The following CHRNB2 variants were observed in gnomAD, a reference collection of about 807,000 sequenced individuals.
CHRNB2 encodes cholinergic receptor nicotinic beta 2 subunit.
CHRNB2 carries 33 observed loss-of-function variants against 42.7 expected under a neutral mutation model. The ratio of observed to expected loss-of-function variants is 0.77; its 90% CI spans 0.59 to 1.03. The LOEUF (loss-of-function observed/expected upper bound fraction) is 1.03, where lower values mean the gene tolerates loss of function less well. CHRNB2 is among the 50% of genes least tolerant of loss of function. The pLI is 0.00. For synonymous variants in CHRNB2, 325 were observed against 292.9 expected (o/e 1.11, Z -1.12); for missense variants, 603 against 700.9 (o/e 0.86, Z 1.58).
intron 1 of CHRNB2, among the ~76,000 whole-genome samples, chr1:154,568,402 C>T (rs536602609): frequency 6.6e-6 from 1 of 152,258 alleles, no homozygotes; most frequent in African/African-American, 2.4e-5. Context: ...GGGGATCTCC[C>T]CAGGCGTCCT....
At position 154,572,035 on chromosome 1, in the gene CHRNB2, G is replaced by A. The variant is rs1696180713; in HGVS notation, c.1212G>A (p.Gly404=). The A allele has an allele frequency of 2.6e-6, 4 of 1,534,280 alleles. No homozygotes were observed. Among genetic ancestry groups the A allele is most frequent in the Non-Finnish European group, 3.5e-6 (4 of 1,145,292 alleles). The part of the protein sequence containing the change: ...ASVQGLAGAF[G]AEPAPVAGPG... ...TGCAGGGGTTGGCCGGGGCCTTCGG[G>A]GCTGAGCCTGCACCAGTGGCGGGCC... The change falls in exon 5 of 6, where the codon GGG becomes GGA. Residue 404 remains glycine, a synonymous_variant. Transcript: ENST00000368476.
chr1:154,569,654 C>G, intron 2 of CHRNB2, 47 bp downstream of exon 2: 1 of 1,613,734 alleles, frequency 6.2e-7, no homozygotes, highest in African/African-American at 1.3e-5. Context: ...AAATCAGCCC[C>G]GCCAAAATGT....
intron 1 of CHRNB2, among the ~76,000 whole-genome samples, chr1:154,568,746 AG>A (rs1696107911): frequency 1.3e-5 from 2 of 151,984 alleles, no homozygotes; most frequent in Non-Finnish European, 2.9e-5. Flanking sequence ...GGGGAGGGGC[AG>A]GTACAAAGGG....
intron 2 of CHRNB2, 45 bp from the exon 3 acceptor site, chr1:154,569,747 C>T: frequency 6.2e-7 from 1 of 1,613,984 alleles, no homozygotes; most frequent in Non-Finnish European, 8.5e-7. Context: ...GCAGTGACCC[C>T]ACAGGCTTAG....
chr1:154,572,135 A>G lies in CHRNB2; in HGVS notation c.1312A>G (p.Met438Val), dbSNP rs916448473. Residue 438 changes from methionine to valine, a missense_variant, in exon 5 of 6, where the codon ATG becomes GTG. Physicochemically the swap from Met to Val is conservative, Grantham distance 21. Around this residue, in one of 2 missense-constraint regions of CHRNB2, gnomAD observed 270 missense variants for 248.3 expected, o/e 1.09. Coordinates refer to ENST00000368476, the MANE Select transcript of CHRNB2 (RefSeq NM_000748.3). ...CGGCGTGCGCTTCATCGCAGACCAC[A>G]TGCGGAGCGAGGACGATGACCAGAG... ...VDGVRFIADH[M>V]RSEDDDQSVS... The G allele has an allele frequency of 5.2e-6, 8 of 1,537,908 alleles. No individual in the cohort carries two copies. Among genetic ancestry groups the G allele is most frequent in the African/African-American group, 1.4e-5 (1 of 73,002 alleles).
chr1:154,569,887 C>T (rs759739237), intron 3 of CHRNB2, 51 bp downstream of exon 3: 1 of 1,603,032 alleles, frequency 6.2e-7, no homozygotes, highest in African/African-American at 1.3e-5. Context: ...CTCTCTCCTC[C>T]TTTTTCCCCA....
At chr1:154,570,699 T>G (rs745815760) in intron 4 of CHRNB2, among the ~76,000 whole-genome samples, 37 of 152,170 alleles carry the variant, frequency 2.4e-4, no homozygotes, top group South Asian at 1.7e-3. Flanking sequence ...TCAAAGAACT[T>G]TAAGGTCCCA....
Position 154,571,876 on chromosome 1 carries a change from G to A in CHRNB2, c.1053G>A (p.Gln351=). The A allele has an allele frequency of 6.3e-7, 1 of 1,598,652 alleles. No homozygotes were observed. The highest frequency in any genetic ancestry group is 1.1e-5 in the South Asian group (1 of 89,798). The change falls in exon 5 of 6, where the codon CAG becomes CAA. Residue 351 remains glutamine (Q), a synonymous_variant. Coordinates refer to ENST00000368476, the MANE Select transcript of CHRNB2 (RefSeq NM_000748.3). The surrounding 1 kb of genome is among the most constrained non-coding windows in gnomAD (Gnocchi z 6.8). ...TGCCCGCGCTGCTCTTCATGCAGCA[G>A]CCACGCCATCATTGCGCCCGTCAGC... ...EKLPALLFMQ[Q]PRHHCARQRL...
rs1696297743 is a variant in CHRNB2, at chr1:154,577,180, GC to G, written c.*1249del. 6.6e-6 allele frequency: 1 copy of G among 152,282 alleles called. No homozygotes were observed. The highest frequency in any genetic ancestry group is 1.5e-5 in the Non-Finnish European group (1 of 68,092). The allele number at this position is 152,282 out of a possible 1,614,324, so 9.4% of individuals were successfully genotyped here. ...GCTGCTGCCAGCGACACCTCAGAAA[GC>G]ATAGCCTCGGCTTCCTGCCCCATGT... is the stretch of plus-strand genomic sequence containing the variant. On this transcript the variant is annotated 3_prime_UTR_variant, in exon 6 of 6. Coordinates refer to ENST00000368476, the MANE Select transcript of CHRNB2 (RefSeq NM_000748.3).
intron 1 of CHRNB2, among the ~76,000 whole-genome samples, chr1:154,569,022 C>T (rs962343148): frequency 2.0e-5 from 3 of 151,552 alleles, no homozygotes; most frequent in Non-Finnish European, 4.4e-5. Flanking sequence ...TACACTTTCT[C>T]CTCAATCGGC....
rs796052325 is a variant in CHRNB2, at chr1:154,569,793, A to G, written c.212A>G (p.His71Arg). 6.2e-7 allele frequency: 1 copy of G among 1,614,032 alleles called. No homozygotes were observed. Among genetic ancestry groups the G allele is most frequent in the African/African-American group, 1.3e-5 (1 of 74,906 alleles). Reference protein sequence around the residue: ...MVSLAQLISVHEREQIMTTNV... With the variant: ...MVSLAQLISVREREQIMTTNV... ...GGCAGCCTCTCTTCCTCCCTGCAGCATGAGCGGGAGCAGATCATGACCACC... is the reference window on the plus strand; with the variant it reads ...GGCAGCCTCTCTTCCTCCCTGCAGCGTGAGCGGGAGCAGATCATGACCACC... The change falls in exon 3 of 6, where the codon CAT becomes CGT. Residue 71 changes from histidine (H) to arginine (R), a missense_variant and splice_region_variant. His to Arg is a conservative substitution (Grantham distance 29, BLOSUM62 0). Around this residue, in one of 2 missense-constraint regions of CHRNB2, gnomAD observed 333 missense variants for 452.6 expected, o/e 0.74. Coordinates refer to ENST00000368476, the MANE Select transcript of CHRNB2 (RefSeq NM_000748.3).
At chr1:154,575,720 CT>C in intron 5 of CHRNB2, 41 bp from the exon 6 acceptor site, 3 of 1,610,822 alleles carry the variant, frequency 1.9e-6, no homozygotes, top group Non-Finnish European at 2.5e-6. Flanking sequence ...GTCTCCCATC[CT>C]GCATCATGTG....
In CHRNB2 at chr1:154,567,991, C is replaced by G; in HGVS notation, c.-54C>G. On this transcript the variant is annotated 5_prime_UTR_variant, in exon 1 of 6. Transcript: ENST00000368476. ...GACAGCGCCCCACCCGCGGCCCTCC[C>G]CCCGGCGGCGCGCTCCAGCCGGTGT... 4 of 1,476,946 alleles carry G rather than the reference C, an allele frequency of 2.7e-6. No homozygotes were observed. Among genetic ancestry groups the G allele is most frequent in the Non-Finnish European group, 3.6e-6 (4 of 1,117,866 alleles). The allele number at this position is 1,476,946 out of a possible 1,614,324, so 91.5% of individuals were successfully genotyped here.
In CHRNB2 at chr1:154,571,344, G is replaced by C; in HGVS notation, c.521G>C (p.Arg174Pro). The C allele has an allele frequency of 6.2e-7, 1 of 1,614,194 alleles. No individual in the cohort carries two copies. Among genetic ancestry groups the C allele is most frequent in the Non-Finnish European group, 8.5e-7 (1 of 1,180,038 alleles). ...CAGCAGAACTGCACCATGAAGTTCC[G>C]TTCGTGGACCTACGACCGCACAGAG... ...FDQQNCTMKF[R>P]SWTYDRTEID... is the part of the protein sequence containing the mutation. Residue 174 changes from arginine to proline, a missense_variant, in exon 5 of 6, where the codon CGT (arginine) becomes CCT (proline). By Grantham distance (103) the Arg-to-Pro change is moderately radical (BLOSUM62 -2). Coordinates refer to ENST00000368476, the MANE Select transcript of CHRNB2 (RefSeq NM_000748.3). The surrounding 1 kb of genome is among the most constrained non-coding windows in gnomAD (Gnocchi z 6.8).
chr1:154,568,152 A>G (rs779950429), intron 1 of CHRNB2, 44 bp downstream of exon 1: 1 of 1,568,472 alleles, frequency 6.4e-7, no homozygotes, highest in Admixed American at 1.9e-5. Flanking sequence ...TACCCCAGCC[A>G]ACGGCCCAAG....
At position 154,578,144 on chromosome 1, in the gene CHRNB2, G is replaced by A. The variant is rs1696317189; in HGVS notation, c.*2212G>A. 1 of 152,366 alleles carries A rather than the reference G, an allele frequency of 6.6e-6. No individual in the cohort carries two copies. The highest frequency in any genetic ancestry group is 6.5e-5 in the Admixed American group (1 of 15,288). 9.4% of individuals were successfully genotyped at this position (152,366 alleles called of 1,614,324 possible). ...CTCATGGTCCTGGGGAAGGCGTCTT[G>A]GAACCAGAAACAGCAACAGGAAAGG... On this transcript the variant is annotated 3_prime_UTR_variant, in exon 6 of 6. Transcript: ENST00000368476.
rs201393088 is a variant in CHRNB2, at chr1:154,571,647, C to A, written c.824C>A (p.Ala275Glu). ...ACGTTGTGCATCTCAGTGCTGCTGGCGCTCACGGTCTTCCTGCTGCTCATC... is the reference window on the plus strand; with the variant it reads ...ACGTTGTGCATCTCAGTGCTGCTGGAGCTCACGGTCTTCCTGCTGCTCATC... ...KMTLCISVLL[A>E]LTVFLLLISK... The change falls in exon 5 of 6, where the codon GCG becomes GAG. Residue 275 changes from alanine (A) to glutamate (E), a missense_variant. By Grantham distance (107) the Ala-to-Glu change is moderately radical (BLOSUM62 -1). Coordinates refer to ENST00000368476, the MANE Select transcript of CHRNB2 (RefSeq NM_000748.3). The surrounding 1 kb of genome is among the most constrained non-coding windows in gnomAD (Gnocchi z 6.8). 1 of 1,614,208 alleles carries A rather than the reference C, an allele frequency of 6.2e-7. No individual in the cohort carries two copies. Among genetic ancestry groups the A allele is most frequent in the South Asian group, 1.1e-5 (1 of 91,082 alleles).
intron 3 of CHRNB2, 22 bp downstream of exon 3, chr1:154,569,858 C>T (rs780917006): frequency 1.2e-6 from 2 of 1,613,826 alleles, no homozygotes; most frequent in East Asian, 2.2e-5. Flanking sequence ...TGCTCTCTTC[C>T]ACCCACACCC....
rs747154910 is a variant in CHRNB2 at position 154,575,919 on chromosome 1, C to T, written c.1496C>T (p.Pro499Leu). The T allele has an allele frequency of 6.2e-7, 1 of 1,614,206 alleles. No individual in the cohort carries two copies. The highest frequency in any genetic ancestry group is 1.1e-5 in the South Asian group (1 of 91,090). Residue 499 changes from proline (P) to leucine (L), a missense_variant, in exon 6 of 6, where the codon CCC (proline) becomes CTC (leucine). Physicochemically the swap from Pro to Leu is moderately conservative, Grantham distance 98. Around this residue, in one of 2 missense-constraint regions of CHRNB2, gnomAD observed 270 missense variants for 248.3 expected, o/e 1.09. Coordinates refer to ENST00000368476, the MANE Select transcript of CHRNB2 (RefSeq NM_000748.3). ...TTCCTCCACTCAGACCACTCAGCCC[C>T]CAGCTCCAAGTGAGGCCCTTCCTCA... is the stretch of plus-strand genomic sequence containing the variant. ...TTFLHSDHSA[P>L]SSK is the part of the protein sequence containing the mutation.
Sources: allele counts gnomAD v4.1 joint callset (sites outside exome capture counted in the v4.1 genomes callset), GRCh38; gene constraint gnomAD v4.1.1; regional missense constraint gnomAD v4.1.1; non-coding constraint Gnocchi (gnomAD v3.1); transcripts MANE v1.5; gene names NCBI Gene and HGNC (gene_info 2026-07-23, HGNC 2026-07-21).